Variants in ATRNL1 observed in about 807,000 individuals in gnomAD.
ATRNL1 encodes attractin like 1.
In ATRNL1, 95 loss-of-function variants were observed where a neutral mutation model predicts 182.7. The observed-to-expected ratio is 0.52, with a 90% CI of 0.44 to 0.62. ATRNL1 has a LOEUF of 0.62. ATRNL1 is among the 20% of genes least tolerant of loss of function. ATRNL1 has a pLI of 0.00. For missense variants in ATRNL1, 1,471 were observed against 1,679.5 expected (o/e 0.88, Z 2.17); for synonymous variants, 576 against 568.3 (o/e 1.01, Z -0.19).
intron 28 of ATRNL1, among the ~76,000 whole-genome samples, chr10:115,878,698 C>G (rs1951753265): frequency 6.6e-6 from 1 of 152,172 alleles, no homozygotes; most frequent in African/African-American, 2.4e-5. Flanking sequence ...TGGAGCCTTA[C>G]AGTTTCAAGA....
chr10:115,824,585 A>G (rs1950382801), intron 27 of ATRNL1, among the ~76,000 whole-genome samples: 1 of 152,102 alleles, frequency 6.6e-6, no homozygotes, highest in Non-Finnish European at 1.5e-5. Flanking sequence ...AAGAAAAAAA[A>G]ACCCCATCAA....
Position 115,658,630 on chromosome 10 carries a change from T to G in ATRNL1, c.3796-68618T>G, listed in dbSNP as rs547263616. Among the ~76,000 whole-genome samples, 44 of 152,202 alleles carry G rather than the reference T, an allele frequency of 2.9e-4. 1 individual carries two copies. The South Asian group carries it at 8.5e-3, about 29-fold the overall frequency. Reference sequence around the variant, plus strand: ...TATCCTCCCTATCTGGTCAGGAGGATATCAGTTCAGGCACCAGCTTGGAGT... The same window carrying G: ...TATCCTCCCTATCTGGTCAGGAGGAGATCAGTTCAGGCACCAGCTTGGAGT... On this transcript the variant is annotated intron_variant, in intron 26 of 28. Coordinates refer to ENST00000355044, the MANE Select transcript of ATRNL1 (RefSeq NM_207303.4).
At chr10:115,112,645 A>G (rs1232042686) in intron 1 of ATRNL1, among the ~76,000 whole-genome samples, 3 of 152,202 alleles carry the variant, frequency 2.0e-5, no homozygotes, top group African/African-American at 4.8e-5. Flanking sequence ...TGAAAAGTTT[A>G]GGAGGACAAT....
At chr10:115,587,641 G>C (rs1331664671) in intron 26 of ATRNL1, among the ~76,000 whole-genome samples, 4 of 151,966 alleles carry the variant, frequency 2.6e-5, no homozygotes, top group African/African-American at 9.7e-5. Context: ...TGCACCCACT[G>C]ACCTGCACCC....
chr10:115,922,843 T>C (rs906466108), intron 28 of ATRNL1, among the ~76,000 whole-genome samples: 1 of 152,094 alleles, frequency 6.6e-6, no homozygotes, highest in Non-Finnish European at 1.5e-5. Flanking sequence ...GGAGAAGAAA[T>C]AAATTTATTT....
At chr10:115,153,418 C>A (rs1304866715) in intron 5 of ATRNL1, among the ~76,000 whole-genome samples, 1 of 152,238 alleles carries the variant, frequency 6.6e-6, no homozygotes, top group Non-Finnish European at 1.5e-5. Flanking sequence ...AGGGATTCAA[C>A]TTCTTCCTGG....
intron 21 of ATRNL1, among the ~76,000 whole-genome samples, chr10:115,452,092 C>A (rs79358172): frequency 6.5e-4 from 99 of 152,206 alleles, no homozygotes; most frequent in African/African-American, 2.4e-3. Flanking sequence ...ATACAACAGA[C>A]ACGGGGGTCT....
At chr10:115,366,320 G>A (rs367771081) in intron 19 of ATRNL1, among the ~76,000 whole-genome samples, 14 of 151,122 alleles carry the variant, frequency 9.3e-5, no homozygotes, top group African/African-American at 2.2e-4. Context: ...AGTCTGTTTT[G>A]TCAGAGACTA....
intron 28 of ATRNL1, among the ~76,000 whole-genome samples, chr10:115,888,005 G>C (rs1951991176): frequency 6.6e-6 from 1 of 152,084 alleles, no homozygotes; most frequent in Non-Finnish European, 1.5e-5. Context: ...CTTATCACCA[G>C]CTTGCTTAAA....
At chr10:115,158,498 T>A (rs544993845) in intron 5 of ATRNL1, among the ~76,000 whole-genome samples, 1 of 152,192 alleles carries the variant, frequency 6.6e-6, no homozygotes, top group East Asian at 1.9e-4. Flanking sequence ...CACAGTCTTT[T>A]CTCACTCAGA....
At chr10:115,904,729 G>A (rs1259095547) in intron 28 of ATRNL1, among the ~76,000 whole-genome samples, 6 of 152,136 alleles carry the variant, frequency 3.9e-5, no homozygotes, top group Admixed American at 3.9e-4. Flanking sequence ...CCCTAAGTTT[G>A]AATACAAACT....
At chr10:115,102,830 CTG>C (rs1843831577) in intron 1 of ATRNL1, among the ~76,000 whole-genome samples, 1 of 151,990 alleles carries the variant, frequency 6.6e-6, no homozygotes, top group African/African-American at 2.4e-5. Context: ...CATTTTAGAA[CTG>C]TTTGTCAATT....
intron 18 of ATRNL1, among the ~76,000 whole-genome samples, chr10:115,327,024 G>A (rs1320654772): frequency 2.0e-5 from 3 of 151,176 alleles, no homozygotes; most frequent in African/African-American, 7.3e-5. Context: ...ATAGGCATGG[G>A]CAAGGACTTC....
intron 26 of ATRNL1, among the ~76,000 whole-genome samples, chr10:115,640,137 G>A (rs1859145266): frequency 6.6e-6 from 1 of 152,120 alleles, no homozygotes; most frequent in South Asian, 2.1e-4. Context: ...AGTATTCCAT[G>A]GCATATATGT....
At chr10:115,301,170 T>A (rs1387962710) in intron 16 of ATRNL1, among the ~76,000 whole-genome samples, 16 of 152,182 alleles carry the variant, frequency 1.1e-4, no homozygotes, top group Admixed American at 1.0e-3. Flanking sequence ...GCTTCTACCT[T>A]TTTGCTATTG....
intron 25 of ATRNL1, among the ~76,000 whole-genome samples, chr10:115,536,579 C>T (rs565024397): frequency 1.3e-5 from 2 of 152,344 alleles, no homozygotes; most frequent in East Asian, 3.9e-4. Context: ...GAGGCAATGC[C>T]TCGCCCTGCT....
intron 8 of ATRNL1, among the ~76,000 whole-genome samples, chr10:115,188,981 A>G (rs1337010223): frequency 6.6e-6 from 1 of 152,152 alleles, no homozygotes; most frequent in Non-Finnish European, 1.5e-5. Context: ...CCTTTTTAGG[A>G]ATAATTAAGT....
chr10:115,703,273 A>C (rs1475728652), intron 26 of ATRNL1, among the ~76,000 whole-genome samples: 2 of 152,102 alleles, frequency 1.3e-5, no homozygotes, highest in Non-Finnish European at 2.9e-5. Flanking sequence ...GATGAATTAA[A>C]GATTTAAATG....
intron 24 of ATRNL1, among the ~76,000 whole-genome samples, chr10:115,478,289 C>T (rs1200127846): frequency 6.6e-6 from 1 of 151,716 alleles, no homozygotes; most frequent in African/African-American, 2.4e-5. Context: ...CTTCACAAGG[C>T]TGAAGTTATG....
Sources: allele counts gnomAD v4.1 joint callset (sites outside exome capture counted in the v4.1 genomes callset), GRCh38; gene constraint gnomAD v4.1.1; transcripts MANE v1.5; gene names NCBI Gene and HGNC (gene_info 2026-07-23, HGNC 2026-07-21).